Variants in GRM7 observed in about 807,000 individuals in gnomAD.
GRM7 encodes the protein glutamate metabotropic receptor 7, also known as metabotropic glutamate receptor 7.
Under a neutral mutation model 84.5 loss-of-function variants are expected in GRM7, and 35 were observed. The ratio of observed to expected loss-of-function variants is 0.41; its 90% CI spans 0.32 to 0.55. The LOEUF (loss-of-function observed/expected upper bound fraction) is 0.55, where lower values mean the gene tolerates loss of function less well. Among genes scored for constraint, GRM7 ranks in the 20% least tolerant of loss-of-function variants. The pLI is 0.19. For synonymous variants in GRM7, 487 were observed against 455.1 expected, an observed-to-expected ratio of 1.07 and a Z score of -0.89; for missense variants, 1,003 against 1,194.6, an observed-to-expected ratio of 0.84 and a Z score of 2.36.
intron 4 of GRM7, among the ~76,000 whole-genome samples, chr3:7,325,808 G>A (rs572805617): frequency 6.6e-6 from 1 of 152,218 alleles, no homozygotes; most frequent in South Asian, 2.1e-4. Flanking sequence ...TCCAATTGAT[G>A]TACCAATTAA....
chr3:7,148,538 G>C (rs141340426), intron 2 of GRM7, among the ~76,000 whole-genome samples: 1 of 152,120 alleles, frequency 6.6e-6, no homozygotes, highest in East Asian at 1.9e-4. Context: ...CTTGCCTTGG[G>C]ATCAAGATAA....
At chr3:7,147,922 C>T (rs1694160807) in intron 2 of GRM7, among the ~76,000 whole-genome samples, 1 of 152,152 alleles carries the variant, frequency 6.6e-6, no homozygotes, top group Admixed American at 6.5e-5. Context: ...CTTCTAGTGT[C>T]TTCTCCCACA....
At chr3:6,917,599 C>T (rs1696986626) in intron 1 of GRM7, among the ~76,000 whole-genome samples, 1 of 149,872 alleles carries the variant, frequency 6.7e-6, no homozygotes. Context: ...CAAACAAATG[C>T]TCATAATTTT....
intron 9 of GRM7, among the ~76,000 whole-genome samples, chr3:7,684,461 A>G (rs1195243258): frequency 1.3e-5 from 2 of 152,276 alleles, no homozygotes; most frequent in East Asian, 3.9e-4. Flanking sequence ...ATGTATTTCA[A>G]TCTTCAGTGT....
chr3:7,639,806 A>C (rs1698278505), intron 8 of GRM7, among the ~76,000 whole-genome samples: 2 of 152,190 alleles, frequency 1.3e-5, no homozygotes, highest in South Asian at 2.1e-4. Flanking sequence ...ACTGTCGCCC[A>C]CAACAAGATA....
intron 7 of GRM7, among the ~76,000 whole-genome samples, chr3:7,561,969 T>C (rs185908684): frequency 6.6e-6 from 1 of 152,232 alleles, no homozygotes; most frequent in African/African-American, 2.4e-5. Context: ...AGAAAGCCTC[T>C]TACCCAAATA....
intron 8 of GRM7, among the ~76,000 whole-genome samples, chr3:7,622,271 C>T (rs183988773): frequency 6.6e-6 from 1 of 152,218 alleles, no homozygotes; most frequent in African/African-American, 2.4e-5. Flanking sequence ...AAAAGGCAAG[C>T]AAAACTCCAC....
intron 8 of GRM7, among the ~76,000 whole-genome samples, chr3:7,601,919 T>A (rs1184796731): frequency 1.3e-5 from 2 of 151,960 alleles, no homozygotes; most frequent in African/African-American, 4.8e-5. Context: ...TGGATAGGAC[T>A]AATCAATCAG....
chr3:7,631,068 G>A (rs771307853), intron 8 of GRM7, among the ~76,000 whole-genome samples: 1 of 152,200 alleles, frequency 6.6e-6, no homozygotes, highest in Non-Finnish European at 1.5e-5. Flanking sequence ...CAGACTGCTT[G>A]CCAAACACCG....
intron 9 of GRM7, among the ~76,000 whole-genome samples, chr3:7,692,440 A>G (rs1408326881): frequency 6.6e-6 from 1 of 152,186 alleles, no homozygotes; most frequent in Non-Finnish European, 1.5e-5. Context: ...ATCAATTAAC[A>G]AAACTTCTCA....
chr3:7,592,282 G>A (rs1230143753), intron 8 of GRM7, among the ~76,000 whole-genome samples: 1 of 152,004 alleles, frequency 6.6e-6, no homozygotes, highest in African/African-American at 2.4e-5. Flanking sequence ...GATAAGAGAA[G>A]AAATACCAGG....
At chr3:7,498,864 G>A (rs967824566) in intron 7 of GRM7, among the ~76,000 whole-genome samples, 8 of 152,174 alleles carry the variant, frequency 5.3e-5, no homozygotes, top group African/African-American at 1.9e-4. Flanking sequence ...TCCACTTTCT[G>A]TTGTCCTTGG....
At chr3:7,126,390 C>T (rs567868351) in intron 1 of GRM7, among the ~76,000 whole-genome samples, 183 of 152,254 alleles carry the variant, frequency 1.2e-3, no homozygotes, top group African/African-American at 4.2e-3. Flanking sequence ...CATTGAAAAT[C>T]CCCCCTAATG....
intron 4 of GRM7, among the ~76,000 whole-genome samples, chr3:7,340,929 A>T (rs2125079046): frequency 6.6e-6 from 1 of 152,194 alleles, no homozygotes; most frequent in African/African-American, 2.4e-5. Context: ...GCTGGTATTT[A>T]TTGCTTCCCC....
At chr3:7,262,477 C>A (rs2124961302) in intron 2 of GRM7, among the ~76,000 whole-genome samples, 1 of 152,176 alleles carries the variant, frequency 6.6e-6, no homozygotes, top group East Asian at 1.9e-4. Flanking sequence ...TCTATACTGG[C>A]TTTTTTGTCT....
At chr3:7,274,248 A>G (rs930636579) in intron 2 of GRM7, among the ~76,000 whole-genome samples, 17 of 152,032 alleles carry the variant, frequency 1.1e-4, no homozygotes, top group African/African-American at 3.9e-4. Flanking sequence ...AAACATTTGA[A>G]TACATTGTTG....
At chr3:7,424,697 GGCCAGTTTCTGTGCTGA>G (rs1245428965) in intron 5 of GRM7, among the ~76,000 whole-genome samples, 1 of 152,062 alleles carries the variant, frequency 6.6e-6, no homozygotes, top group African/African-American at 2.4e-5. Flanking sequence ...AGCTGCACTG[GGCCAGTTTCTGTGCTGA>G]GCCAGAGAAC....
At chr3:7,286,033 T>C (rs905397369) in intron 2 of GRM7, among the ~76,000 whole-genome samples, 6 of 152,128 alleles carry the variant, frequency 3.9e-5, no homozygotes, top group Admixed American at 6.5e-5. Context: ...CACAGCATTG[T>C]CAAATAGGTA....
chr3:7,004,223 A>G (rs1695107416), intron 1 of GRM7, among the ~76,000 whole-genome samples: 1 of 152,318 alleles, frequency 6.6e-6, no homozygotes, highest in East Asian at 1.9e-4. Flanking sequence ...TATGGATAAC[A>G]GGAGGTGAGA....
Sources: allele counts gnomAD v4.1 joint callset (sites outside exome capture counted in the v4.1 genomes callset), GRCh38; gene constraint gnomAD v4.1.1; transcripts MANE v1.5; gene names NCBI Gene and HGNC (gene_info 2026-07-23, HGNC 2026-07-21).